Variants in TRPM3 observed in about 807,000 individuals in gnomAD.
TRPM3 encodes transient receptor potential cation channel subfamily M member 3.
Under a neutral mutation model 181.2 loss-of-function variants are expected in TRPM3, and 77 were observed. The observed-to-expected ratio is 0.42, with a 90% CI of 0.35 to 0.51. The LOEUF (loss-of-function observed/expected upper bound fraction) is 0.51, where lower values mean the gene tolerates loss of function less well. Among genes scored for constraint, TRPM3 ranks in the 20% least tolerant of loss-of-function variants. The pLI, the probability that TRPM3 is intolerant of heterozygous loss-of-function variation, is 0.01. For synonymous variants in TRPM3, 745 were observed against 796.4 expected (o/e 0.94, Z 1.09); for missense variants, 1,759 against 2,196.7 (o/e 0.80, Z 3.98).
intron 1 of TRPM3, among the ~76,000 whole-genome samples, chr9:71,169,831 T>C (rs889232002): frequency 6.6e-6 from 1 of 150,824 alleles, no homozygotes; most frequent in African/African-American, 2.4e-5. Context: ...ATTTTTTATA[T>C]TTTTATATTT....
chr9:71,149,009 T>C (rs1188458540), intron 1 of TRPM3, among the ~76,000 whole-genome samples: 2 of 152,100 alleles, frequency 1.3e-5, no homozygotes, highest in African/African-American at 2.4e-5. Flanking sequence ...ATAGCATACA[T>C]AGAGATATAT....
At chr9:70,682,009 C>T (rs1010621725) in intron 8 of TRPM3, among the ~76,000 whole-genome samples, 1 of 152,152 alleles carries the variant, frequency 6.6e-6, no homozygotes, top group Non-Finnish European at 1.5e-5. Flanking sequence ...ACAGCTAGAA[C>T]TGCTGTTTAT....
At chr9:71,408,729 A>T (rs2093485201) in intron 1 of TRPM3, among the ~76,000 whole-genome samples, 1 of 152,198 alleles carries the variant, frequency 6.6e-6, no homozygotes, top group Admixed American at 6.5e-5. Flanking sequence ...GCAGGCCAAC[A>T]TTCAAATTCA....
At chr9:70,963,150 C>T (rs991995684) in intron 1 of TRPM3, among the ~76,000 whole-genome samples, 2 of 152,112 alleles carry the variant, frequency 1.3e-5, no homozygotes, top group Non-Finnish European at 2.9e-5. Context: ...ATCAATCCAC[C>T]GTTATCATTA....
intron 5 of TRPM3, among the ~76,000 whole-genome samples, chr9:70,837,789 C>A (rs1342641829): frequency 5.3e-5 from 8 of 152,186 alleles, no homozygotes; most frequent in African/African-American, 1.9e-4. Flanking sequence ...TGCATCGAGT[C>A]TGTCTCTGAG....
rs11417438 is a variant in TRPM3, at chr9:71,252,847, C to CTTTTTTTT, written c.183+193798_183+193805dup. 2.3e-3 allele frequency among the ~76,000 whole-genome samples: 198 copies of CTTTTTTTT among 84,754 alleles called. 3 individuals are homozygous for CTTTTTTTT. Among genetic ancestry groups the CTTTTTTTT allele is most frequent in the African/African-American group, 1.0e-2 (191 of 19,114 alleles). The allele number at this position is 84,754 out of a possible 152,430, so 55.6% of individuals were successfully genotyped here. ...ACACCTCGCCTGGCTAATTTTGTCT[C>CTTTTTTTT]TTTTTTTTTTTTTTTTTTTTTTAGA... On this transcript the variant is annotated intron_variant, in intron 1 of 24. Transcript: ENST00000357533.
intron 1 of TRPM3, among the ~76,000 whole-genome samples, chr9:71,391,217 A>C (rs955392949): frequency 2.2e-4 from 33 of 152,094 alleles, no homozygotes; most frequent in Non-Finnish European, 2.1e-4. Context: ...CTCTTATTTG[A>C]TCCTTCCAAC....
intron 1 of TRPM3, among the ~76,000 whole-genome samples, chr9:70,901,488 C>T (rs1175426996): frequency 6.6e-6 from 1 of 151,716 alleles, no homozygotes; most frequent in African/African-American, 2.4e-5. Context: ...CTTTGGTCAT[C>T]AGCATAACAG....
At chr9:71,295,595 T>C (rs1565434029) in intron 1 of TRPM3, among the ~76,000 whole-genome samples, 2 of 147,970 alleles carry the variant, frequency 1.4e-5, no homozygotes, top group African/African-American at 4.9e-5. Context: ...TTTGGGAGGC[T>C]GAGGCAGGAG....
chr9:70,783,477 A>C (rs977543202), intron 7 of TRPM3, among the ~76,000 whole-genome samples: 1 of 151,846 alleles, frequency 6.6e-6, no homozygotes. Context: ...GTGAAGGGGG[A>C]ATCTTTTCTG....
chr9:70,854,162 G>A (rs1163593169), intron 3 of TRPM3, among the ~76,000 whole-genome samples: 1 of 152,226 alleles, frequency 6.6e-6, no homozygotes, highest in East Asian at 1.9e-4. Flanking sequence ...AATTTTGACT[G>A]TCACTTGTGA....
chr9:71,153,001 T>C (rs1314608055), intron 1 of TRPM3, among the ~76,000 whole-genome samples: 1 of 152,108 alleles, frequency 6.6e-6, no homozygotes, highest in South Asian at 2.1e-4. Flanking sequence ...GCCCCTGTCA[T>C]AGTGGCCAAT....
At chr9:70,548,656 C>T (rs2045673754) in intron 25 of TRPM3, among the ~76,000 whole-genome samples, 11 of 152,214 alleles carry the variant, frequency 7.2e-5, no homozygotes, top group Admixed American at 7.2e-4. Context: ...TTTAAAGTTA[C>T]ACCTATGTTT....
At chr9:70,694,001 G>C (rs551213204) in intron 8 of TRPM3, among the ~76,000 whole-genome samples, 10 of 152,348 alleles carry the variant, frequency 6.6e-5, no homozygotes, top group African/African-American at 2.2e-4. Context: ...GAGGCTGAGG[G>C]ATCTGCCTTC....
chr9:71,128,586 C>T (rs920008609), intron 1 of TRPM3, among the ~76,000 whole-genome samples: 5 of 152,016 alleles, frequency 3.3e-5, no homozygotes, highest in East Asian at 1.9e-4. Context: ...TTTAAATATC[C>T]GCAACACATA....
At position 70,531,081 on chromosome 9, in the gene TRPM3, A is replaced by C. The variant is rs1485245544; in HGVS notation, c.*4872T>G. ...TTCACAGCGATCTGCGCACTTCTGCACTATCACAAATGGACTTTTCGCTCT... is the reference window on the plus strand; with the variant it reads ...TTCACAGCGATCTGCGCACTTCTGCCCTATCACAAATGGACTTTTCGCTCT... On this transcript the variant is annotated 3_prime_UTR_variant, in exon 26 of 26. Coordinates refer to ENST00000677713, the MANE Select transcript of TRPM3 (RefSeq NM_001366145.2). 6.6e-6 allele frequency: 1 copy of C among 152,212 alleles called. No individual in the cohort carries two copies. The highest frequency in any genetic ancestry group is 1.5e-5 in the Non-Finnish European group (1 of 68,036). 9.4% of individuals were successfully genotyped at this position (152,212 alleles called of 1,614,324 possible). A position where few individuals can be genotyped will look rare whatever the true frequency, so the allele number is the denominator to read the frequency against.
intron 1 of TRPM3, among the ~76,000 whole-genome samples, chr9:71,255,871 A>ACTCTG (rs1284381164): frequency 6.6e-6 from 1 of 152,124 alleles, no homozygotes; most frequent in Admixed American, 6.5e-5. Context: ...AAGAAAGCCA[A>ACTCTG]CTCTGCAGCT....
At chr9:71,396,684 G>A (rs935703593) in intron 1 of TRPM3, among the ~76,000 whole-genome samples, 30 of 151,646 alleles carry the variant, frequency 2.0e-4, no homozygotes, top group African/African-American at 3.4e-4. Context: ...AAAAAATGCC[G>A]GGCGTGGTGG....
chr9:70,909,397 T>C (rs1039718715), intron 1 of TRPM3, among the ~76,000 whole-genome samples: 2 of 152,054 alleles, frequency 1.3e-5, no homozygotes, highest in Non-Finnish European at 2.9e-5. Context: ...AGACCCTTCA[T>C]AGTATGGTAG....
Sources: allele counts gnomAD v4.1 joint callset (sites outside exome capture counted in the v4.1 genomes callset), GRCh38; gene constraint gnomAD v4.1.1; transcripts MANE v1.5; gene names NCBI Gene and HGNC (gene_info 2026-07-23, HGNC 2026-07-21).